ADAMTS20: variants seen among roughly 807,000 people sequenced by gnomAD.
The protein encoded by ADAMTS20 is A disintegrin and metalloproteinase with thrombospondin motifs 20.
A neutral mutation model predicts 260.1 loss-of-function variants in ADAMTS20; 225 were observed. The observed-to-expected ratio is 0.87, with a 90% confidence interval of 0.78 to 0.97. The LOEUF is 0.97. Among genes scored for constraint, ADAMTS20 ranks in the 50% least tolerant of loss-of-function variants. ADAMTS20 has a pLI of 0.00. For missense variants in ADAMTS20, 2,400 were observed against 2,337.7 expected (o/e 1.03, Z -0.55); for synonymous variants, 802 against 769.5 (o/e 1.04, Z -0.70).
chr12:43,374,137 A>T (rs940844899), intron 36 of ADAMTS20, among the ~76,000 whole-genome samples: 11 of 152,170 alleles, frequency 7.2e-5, no homozygotes, highest in Non-Finnish European at 1.6e-4. Context: ...TAAATAAAGA[A>T]TTACACCCAG....
At chr12:43,526,685 G>A (rs1288469531) in intron 3 of ADAMTS20, among the ~76,000 whole-genome samples, 4 of 152,156 alleles carry the variant, frequency 2.6e-5, no homozygotes, top group African/African-American at 4.8e-5. Context: ...CAGGGCAAAA[G>A]TAGTGCTAAG....
At chr12:43,503,796 C>T (rs1008570987) in intron 3 of ADAMTS20, among the ~76,000 whole-genome samples, 4 of 152,068 alleles carry the variant, frequency 2.6e-5, no homozygotes. Context: ...CTCCCACATA[C>T]AAGTGAGAAC....
At chr12:43,491,144 T>C (rs756861200) in intron 6 of ADAMTS20, among the ~76,000 whole-genome samples, 1 of 152,170 alleles carries the variant, frequency 6.6e-6, no homozygotes, top group African/African-American at 2.4e-5. Flanking sequence ...TATAATACCA[T>C]ATTTATACTA....
chr12:43,460,879 A>G (rs1185499996), intron 11 of ADAMTS20, among the ~76,000 whole-genome samples: 1 of 147,670 alleles, frequency 6.8e-6, no homozygotes, highest in Non-Finnish European at 1.5e-5. Context: ...AGAACAAGAA[A>G]AAAACGAATC....
intron 3 of ADAMTS20, among the ~76,000 whole-genome samples, chr12:43,530,549 C>A (rs1023582627): frequency 2.0e-5 from 3 of 152,138 alleles, no homozygotes; most frequent in Non-Finnish European, 4.4e-5. Context: ...CAAAGGCCTA[C>A]ATATCATTAT....
At chr12:43,543,182 T>G (rs918166646) in intron 2 of ADAMTS20, among the ~76,000 whole-genome samples, 4 of 151,594 alleles carry the variant, frequency 2.6e-5, no homozygotes, top group Non-Finnish European at 4.4e-5. Flanking sequence ...TGTGGGGGGG[T>G]GTGCCTGTAG....
Position 43,452,586 on chromosome 12 carries a change from C to T in ADAMTS20, c.1870G>A (p.Asp624Asn). The T allele has an allele frequency of 6.2e-7, 1 of 1,613,510 alleles. No homozygotes were observed. The highest frequency in any genetic ancestry group is 8.5e-7 in the Non-Finnish European group (1 of 1,179,706). ...ATGTCCAAATGTTTACCATTAAAATCAGAGCACTGCTTCTCTCGAAAGTCT... is the reference window on the plus strand; with the variant it reads ...ATGTCCAAATGTTTACCATTAAAATTAGAGCACTGCTTCTCTCGAAAGTCT... ...TQDFREKQCS[D>N]FNGKHLDISG... Residue 624 changes from aspartate (D) to asparagine (N), a missense_variant, in exon 13 of 39, where the codon GAT (aspartate) becomes AAT (asparagine). Asp to Asn is a conservative substitution (Grantham distance 23). Coordinates refer to ENST00000389420, the MANE Select transcript of ADAMTS20 (RefSeq NM_025003.5).
intron 29 of ADAMTS20, among the ~76,000 whole-genome samples, chr12:43,395,490 T>G (rs1197632697): frequency 6.6e-6 from 1 of 152,020 alleles, no homozygotes; most frequent in Non-Finnish European, 1.5e-5. Context: ...TTCTTTTTTT[T>G]CCAAATTAGG....
intron 2 of ADAMTS20, among the ~76,000 whole-genome samples, chr12:43,537,886 A>T (rs1325892309): frequency 6.6e-6 from 1 of 152,234 alleles, no homozygotes; most frequent in African/African-American, 2.4e-5. Flanking sequence ...CATTGAGTAT[A>T]TGTACCACAT....
At chr12:43,367,216 A>G (rs1185914229) in intron 37 of ADAMTS20, among the ~76,000 whole-genome samples, 1 of 152,012 alleles carries the variant, frequency 6.6e-6, no homozygotes, top group African/African-American at 2.4e-5. Context: ...TATTTCTGTG[A>G]TACCAAAATG....
Position 43,407,296 on chromosome 12 carries a change from C to T in ADAMTS20, c.4285-8063G>A, listed in dbSNP as rs1251209465. ...ACCAAATGATTAACAACAAATATAT[C>T]CAGCAGACTTCGATTAAATTAATAT... On this transcript the variant is annotated intron_variant, in intron 28 of 38. Transcript: ENST00000389420. Among the ~76,000 whole-genome samples, 4 of 151,604 alleles carry T rather than the reference C, an allele frequency of 2.6e-5. No homozygotes were observed. The East Asian group carries it at 7.7e-4, about 29-fold the overall frequency.
intron 7 of ADAMTS20, among the ~76,000 whole-genome samples, chr12:43,475,509 C>T (rs1158395545): frequency 6.7e-6 from 1 of 150,146 alleles, no homozygotes; most frequent in Admixed American, 6.7e-5. Context: ...TCATATGGAA[C>T]CAAAAAAGAG....
At chr12:43,547,136 C>T (rs10880524) in intron 2 of ADAMTS20, among the ~76,000 whole-genome samples, 48,144 of 152,090 alleles carry the variant, frequency 0.32, 8,014 homozygotes, top group Middle Eastern at 0.46. Context: ...AACAACTAAA[C>T]GGAATCAATA....
intron 31 of ADAMTS20, among the ~76,000 whole-genome samples, chr12:43,379,623 A>G (rs1940305969): frequency 6.6e-6 from 1 of 152,240 alleles, no homozygotes; most frequent in Non-Finnish European, 1.5e-5. Flanking sequence ...TTGGTTCCAG[A>G]TATTAAGGAA....
chr12:43,534,783 A>G (rs1489249742), intron 2 of ADAMTS20, among the ~76,000 whole-genome samples: 1 of 152,200 alleles, frequency 6.6e-6, no homozygotes, highest in African/African-American at 2.4e-5. Context: ...AAACCCTAAA[A>G]CTAAATATTT....
At chr12:43,482,403 G>A (rs1942455970) in intron 7 of ADAMTS20, among the ~76,000 whole-genome samples, 1 of 152,184 alleles carries the variant, frequency 6.6e-6, no homozygotes, top group Non-Finnish European at 1.5e-5. Context: ...GGGAAGTTTC[G>A]AGTTCTGAAA....
In ADAMTS20 at chr12:43,551,174, C is replaced by T; in HGVS notation, c.188G>A (p.Arg63Gln). The stretch of plus-strand genomic sequence containing the variant: ...CAGCGCCTCGGAGCTGCGTTTCTGC[C>T]GGCTGAAGTGGTGGCTCTGAGGGAA... ...EVFPQSHHFS[R>Q]QKRSSEALEP... The change falls in exon 2 of 39, where the codon CGG (arginine) becomes CAG (glutamine). Residue 63 changes from arginine to glutamine, a missense_variant. Arg to Gln is a conservative substitution (Grantham distance 43). Transcript: ENST00000389420. The surrounding 1 kb of genome is among the most constrained non-coding windows in gnomAD (Gnocchi z 4.6). 1 of 1,613,920 alleles carries T rather than the reference C, an allele frequency of 6.2e-7. No individual in the cohort carries two copies.
intron 4 of ADAMTS20, among the ~76,000 whole-genome samples, chr12:43,499,332 T>G (rs1433792330): frequency 6.6e-6 from 1 of 152,220 alleles, no homozygotes. Context: ...TGCATTGGTC[T>G]GTTGTTTCAA....
At chr12:43,496,847 A>G (rs539774412) in intron 4 of ADAMTS20, among the ~76,000 whole-genome samples, 1 of 152,286 alleles carries the variant, frequency 6.6e-6, no homozygotes, top group East Asian at 1.9e-4. Flanking sequence ...ACATACACAC[A>G]CACACATACA....
Sources: allele counts gnomAD v4.1 joint callset (sites outside exome capture counted in the v4.1 genomes callset), GRCh38; gene constraint gnomAD v4.1.1; non-coding constraint Gnocchi (gnomAD v3.1); transcripts MANE v1.5; gene names NCBI Gene and HGNC (gene_info 2026-07-23, HGNC 2026-07-21).